Variants in EBF2 observed in about 807,000 individuals in gnomAD.
EBF2 encodes EBF transcription factor 2.
A neutral mutation model predicts 72.8 loss-of-function variants in EBF2; 21 were observed. The observed-to-expected ratio is 0.29, with a 90% CI of 0.20 to 0.42. EBF2 has a LOEUF of 0.42. Among genes scored for constraint, EBF2 ranks in the 10% least tolerant of loss-of-function variants. The probability of loss-of-function intolerance (pLI) is 1.00; values close to 1 mark genes in which losing one functional copy is unlikely to be tolerated. For missense variants in EBF2, 637 were observed against 731.2 expected (o/e 0.87, Z 1.49); for synonymous variants, 299 against 274.2 (o/e 1.09, Z -0.89).
chr8:25,946,070 G>A (rs1020532590), intron 6 of EBF2, among the ~76,000 whole-genome samples: 5 of 152,274 alleles, frequency 3.3e-5, no homozygotes, highest in Admixed American at 2.0e-4. Flanking sequence ...GCGTGATGGG[G>A]AAATGCCACT....
At chr8:25,958,285 C>T (rs920178274) in intron 6 of EBF2, among the ~76,000 whole-genome samples, 2 of 152,180 alleles carry the variant, frequency 1.3e-5, no homozygotes, top group Non-Finnish European at 2.9e-5. Context: ...CTTAATCTCT[C>T]CAATAGATTG....
At chr8:25,912,297 G>A (rs762309784) in intron 6 of EBF2, among the ~76,000 whole-genome samples, 3 of 152,128 alleles carry the variant, frequency 2.0e-5, no homozygotes, top group East Asian at 1.9e-4. Context: ...AGCTCCATGT[G>A]GTGTTGCATG....
chr8:25,989,823 T>A (rs1474984117), intron 6 of EBF2, among the ~76,000 whole-genome samples: 1 of 152,164 alleles, frequency 6.6e-6, no homozygotes, highest in Non-Finnish European at 1.5e-5. Context: ...TACTCACCAG[T>A]GAGTAAACAT....
intron 10 of EBF2, among the ~76,000 whole-genome samples, chr8:25,879,153 A>C (rs550073757): frequency 1.3e-5 from 2 of 152,316 alleles, no homozygotes; most frequent in South Asian, 4.1e-4. Context: ...CTCATTTTTC[A>C]TATATCTAAA....
At chr8:25,858,072 G>T in intron 14 of EBF2, 1 of 637,970 alleles carries the variant, frequency 1.6e-6, no homozygotes, top group Middle Eastern at 2.5e-4. Flanking sequence ...GGCCACACAT[G>T]CTCTTTCTCT....
chr8:25,915,930 A>G (rs1235877074), intron 6 of EBF2, among the ~76,000 whole-genome samples: 1 of 152,218 alleles, frequency 6.6e-6, no homozygotes. Flanking sequence ...CATAGCTTCT[A>G]CAGTGGCAAT....
intron 6 of EBF2, among the ~76,000 whole-genome samples, chr8:25,929,775 C>T (rs972530452): frequency 2.6e-5 from 4 of 152,136 alleles, no homozygotes; most frequent in African/African-American, 9.7e-5. Context: ...CACACACCTA[C>T]TTCCCCATCA....
intron 6 of EBF2, among the ~76,000 whole-genome samples, chr8:25,969,389 G>C (rs1221242355): frequency 1.3e-5 from 2 of 152,216 alleles, no homozygotes; most frequent in Non-Finnish European, 2.9e-5. Context: ...GAAAATAGAA[G>C]ATAATCGAGA....
chr8:25,845,701 G>A (rs923018701), intron 15 of EBF2, among the ~76,000 whole-genome samples: 3 of 152,202 alleles, frequency 2.0e-5, no homozygotes, highest in African/African-American at 7.2e-5. Context: ...ACAGCAAAAT[G>A]TATTCCTCCT....
At chr8:26,043,263 T>A (rs1805638756) in intron 1 of EBF2, among the ~76,000 whole-genome samples, 1 of 152,270 alleles carries the variant, frequency 6.6e-6, no homozygotes, top group Non-Finnish European at 1.5e-5. Context: ...GGAGCTGCCC[T>A]GCGGCGCTGG....
chr8:25,974,398 A>G (rs1479106568), intron 6 of EBF2, among the ~76,000 whole-genome samples: 2 of 152,226 alleles, frequency 1.3e-5, no homozygotes, highest in Admixed American at 6.5e-5. Flanking sequence ...AGTACACTGT[A>G]TCTCCTTGTG....
intron 7 of EBF2, among the ~76,000 whole-genome samples, chr8:25,897,352 TTTC>T: frequency 6.6e-6 from 1 of 152,356 alleles, no homozygotes; most frequent in African/African-American, 2.4e-5. Context: ...TACTTTTTTT[TTTC>T]TTGTGTAATT....
chr8:25,861,813 G>A (rs550802689), intron 11 of EBF2, among the ~76,000 whole-genome samples: 19 of 152,246 alleles, frequency 1.2e-4, no homozygotes, highest in African/African-American at 3.8e-4. Flanking sequence ...TCTTGGCAAC[G>A]TCTGCTGCAA....
chr8:25,981,336 C>T (rs564457065), intron 6 of EBF2, among the ~76,000 whole-genome samples: 118 of 152,142 alleles, frequency 7.8e-4, no homozygotes, highest in Admixed American at 2.0e-3. Context: ...AGTACGAAGT[C>T]GATGCTCTGT....
At chr8:25,967,862 G>C (rs1285173663) in intron 6 of EBF2, among the ~76,000 whole-genome samples, 1 of 152,196 alleles carries the variant, frequency 6.6e-6, no homozygotes, top group East Asian at 1.9e-4. Context: ...ACAAGGGTAA[G>C]AATAGAACCT....
At chr8:26,007,848 A>G (rs946516003) in intron 6 of EBF2, among the ~76,000 whole-genome samples, 4 of 151,998 alleles carry the variant, frequency 2.6e-5, no homozygotes, top group Admixed American at 6.5e-5. Context: ...GCAGCTCCCA[A>G]TTACAGATAT....
At chr8:25,980,083 A>C (rs1007184752) in intron 6 of EBF2, among the ~76,000 whole-genome samples, 7 of 152,204 alleles carry the variant, frequency 4.6e-5, no homozygotes, top group Admixed American at 2.6e-4. Context: ...TCAAATTCTC[A>C]GCAATGAAAT....
At chr8:26,032,470 G>A (rs1805424718) in intron 6 of EBF2, 1 of 140,508 alleles carries the variant, frequency 7.1e-6, no homozygotes, top group African/African-American at 2.7e-5. Flanking sequence ...AGTTAATTTG[G>A]TATTTCTTCA....
At chr8:25,964,442 C>A (rs973645224) in intron 6 of EBF2, among the ~76,000 whole-genome samples, 1 of 152,002 alleles carries the variant, frequency 6.6e-6, no homozygotes, top group African/African-American at 2.4e-5. Flanking sequence ...ATTTCATGGA[C>A]GTGACATATC....
Sources: allele counts gnomAD v4.1 joint callset (sites outside exome capture counted in the v4.1 genomes callset), GRCh38; gene constraint gnomAD v4.1.1; transcripts MANE v1.5; gene names NCBI Gene and HGNC (gene_info 2026-07-23, HGNC 2026-07-21).